The following SYT10 variants were observed in gnomAD, a reference collection of about 807,000 sequenced individuals.
SYT10 encodes the protein synaptotagmin-10.
In SYT10, 31 loss-of-function variants were observed where a neutral mutation model predicts 51.1. The ratio of observed to expected loss-of-function variants is 0.61; its 90% CI spans 0.46 to 0.82. SYT10 has a LOEUF of 0.82. Ranked by LOEUF, SYT10 falls within the 40% of genes least tolerant of loss-of-function variation. The pLI is 0.00. For missense variants in SYT10, 603 were observed against 634.0 expected (o/e 0.95, Z 0.53); for synonymous variants, 233 against 225.9 (o/e 1.03, Z -0.28).
At chr12:33,380,080 T>C in intron 5 of SYT10, 119 bp from the exon 6 acceptor site, 1 of 1,088,120 alleles carries the variant, frequency 9.2e-7, no homozygotes, top group East Asian at 2.6e-5. Flanking sequence ...ATTTTGCAGA[T>C]TATGCTACTT....
Position 33,407,147 on chromosome 12 carries a change from T to C in SYT10, c.719A>G (p.Gln240Arg), listed in dbSNP as rs762872723. The C allele has an allele frequency of 3.1e-6, 5 of 1,614,042 alleles. No homozygotes were observed. In the African/African-American group the frequency reaches 6.7e-5, roughly 22 times the overall value. Reference sequence around the variant, plus strand: ...TAGAAGTTCATTTTCATAATCATACTGGAGGGTAAAGTTAAGTTTCCCACA... The same window carrying C: ...TAGAAGTTCATTTTCATAATCATACCGGAGGGTAAAGTTAAGTTTCCCACA... ...KICGKLNFTLQYDYENELLVV... is the reference protein window; with the variant it reads ...KICGKLNFTLRYDYENELLVV... Residue 240 changes from glutamine (Q) to arginine (R), a missense_variant, in exon 3 of 7, where the codon CAG becomes CGG. Transcript: ENST00000228567.
At chr12:33,431,792 C>T (rs1866598926) in intron 1 of SYT10, among the ~76,000 whole-genome samples, 1 of 152,070 alleles carries the variant, frequency 6.6e-6, no homozygotes, top group Non-Finnish European at 1.5e-5. Flanking sequence ...CATCCTTCAA[C>T]CTTATAAGTC....
At position 33,426,530 on chromosome 12, in the gene SYT10, T is replaced by C. The variant is rs560156318; in HGVS notation, c.152-35A>G. ...TTACAATGTAAAAATGATTAATTAA[T>C]ATTGTACATAAAAAAGCAGAAATGG... On this transcript the variant is annotated intron_variant, in intron 1 of 6. Coordinates refer to ENST00000228567, the MANE Select transcript of SYT10 (RefSeq NM_198992.4). 2.8e-4 allele frequency: 402 copies of C among 1,438,782 alleles called. 4 individuals carry two copies. In the South Asian group the frequency reaches 5.4e-3, roughly 19 times the overall value. 89.1% of individuals were successfully genotyped at this position (1,438,782 alleles called of 1,614,324 possible).
At position 33,426,215 on chromosome 12, in the gene SYT10, G is replaced by T. The variant is rs762636156; in HGVS notation, c.432C>A (p.Val144=). The change falls in exon 2 of 7, where the codon GTC becomes GTA. Residue 144 remains valine, a synonymous_variant. Coordinates refer to ENST00000228567, the MANE Select transcript of SYT10 (RefSeq NM_198992.4). ...TTAAATGTTCTTTTAAAGCAGTTTG[G>T]ACTTCTGCTGGGATGTCAGGGGAAG... ...SHTSPDIPAE[V]QTALKEHLIK... The T allele has an allele frequency of 5.0e-6, 8 of 1,614,062 alleles. No homozygotes were observed. In the South Asian group the frequency reaches 8.8e-5, roughly 18 times the overall value.
At chr12:33,402,952 T>C (rs568492468) in intron 3 of SYT10, among the ~76,000 whole-genome samples, 4 of 152,036 alleles carry the variant, frequency 2.6e-5, no homozygotes, top group Admixed American at 2.6e-4. Context: ...TACAACAATA[T>C]GATAATAAAG....
rs34190017 is a variant in SYT10 at position 33,379,869 on chromosome 12, T to C, written c.1463A>G (p.His488Arg). ...RDHWNEMLAYHRKPITHWHPL... is the reference protein window; with the variant it reads ...RDHWNEMLAYRRKPITHWHPL... ...GTGCCAGTGCGTTATTGGTTTTCGA[T>C]GATAGGCCAGCATTTCATTCCAGTG... The change falls in exon 6 of 7, where the codon CAT becomes CGT. Residue 488 changes from histidine to arginine, a missense_variant. Physicochemically the swap from His to Arg is conservative, Grantham distance 29 (BLOSUM62 0). Transcript: ENST00000228567. 1 of 1,613,998 alleles carries C rather than the reference T, an allele frequency of 6.2e-7. No individual in the cohort carries two copies. Among genetic ancestry groups the C allele is most frequent in the Admixed American group, 1.7e-5 (1 of 60,006 alleles).
chr12:33,439,489 G>C lies in SYT10; in HGVS notation c.34C>G (p.Leu12Val), dbSNP rs756517811. 2 of 1,614,178 alleles carry C rather than the reference G, an allele frequency of 1.2e-6. No individual in the cohort carries two copies. The highest frequency in any genetic ancestry group is 4.5e-5 in the East Asian group (2 of 44,862). The change falls in exon 1 of 7, where the codon CTG becomes GTG. Residue 12 changes from leucine to valine, a missense_variant. Transcript: ENST00000228567. The stretch of plus-strand genomic sequence containing the variant: ...ACGATGTGCAGAGCCTTCTGGCACA[G>C]ACTGTTCACTCCGTCCTCCTTGTGG... ...SFHKEDGVNS[L>V]CQKALHIVTE...
At chr12:33,418,038 T>C (rs1452593143) in intron 2 of SYT10, among the ~76,000 whole-genome samples, 3 of 152,022 alleles carry the variant, frequency 2.0e-5, no homozygotes, top group African/African-American at 4.8e-5. Flanking sequence ...TTTGAAAGAG[T>C]TGAGGACAGT....
intron 3 of SYT10, among the ~76,000 whole-genome samples, chr12:33,390,930 TTG>T (rs1345691593): frequency 3.3e-5 from 5 of 149,340 alleles, no homozygotes; most frequent in Admixed American, 6.6e-5. Flanking sequence ...ACGTTTTTTT[TTG>T]TTGTTGTTGT....
rs1403169803 is a variant in SYT10, at chr12:33,439,595, C to T, written c.-73G>A. The T allele has an allele frequency of 1.6e-5, 24 of 1,541,886 alleles. No homozygotes were observed. The East Asian group carries it at 5.1e-4, about 33-fold the overall frequency. On this transcript the variant is annotated 5_prime_UTR_variant, in exon 1 of 7. Coordinates refer to ENST00000228567, the MANE Select transcript of SYT10 (RefSeq NM_198992.4). ...TTTCCTCTTCCCGTACCTCTAACCC[C>T]TCTGGCGCCCTAAGCCATAGTCCGC...
At chr12:33,437,116 A>T (rs1320960779) in intron 1 of SYT10, among the ~76,000 whole-genome samples, 2 of 152,248 alleles carry the variant, frequency 1.3e-5, no homozygotes, top group Non-Finnish European at 2.9e-5. Flanking sequence ...CTATTTGCAG[A>T]TTAAAGTATT....
intron 6 of SYT10, among the ~76,000 whole-genome samples, chr12:33,378,469 T>A (rs570690267): frequency 6.6e-6 from 1 of 152,310 alleles, no homozygotes; most frequent in South Asian, 2.1e-4. Flanking sequence ...TGCAGTTCTA[T>A]TTTTGTTAAA....
chr12:33,390,177 C>A (rs1866191549), intron 3 of SYT10, among the ~76,000 whole-genome samples: 1 of 152,132 alleles, frequency 6.6e-6, no homozygotes, highest in Non-Finnish European at 1.5e-5. Context: ...TTGAAAAGAC[C>A]ACAAACAATC....
At chr12:33,397,253 G>A (rs897355979) in intron 3 of SYT10, among the ~76,000 whole-genome samples, 1 of 152,150 alleles carries the variant, frequency 6.6e-6, no homozygotes, top group Admixed American at 6.5e-5. Context: ...AGAGGGCTTC[G>A]TGAAGGGCTA....
rs768608852 is a variant in SYT10 at position 33,407,259 on chromosome 12, T to C, written c.607A>G (p.Thr203Ala). 2.5e-6 allele frequency: 4 copies of C among 1,614,036 alleles called. No homozygotes were observed. In the East Asian group the frequency reaches 6.7e-5, roughly 27 times the overall value. ...GGCTTTATCCTCCCAATGCTGGTTGTTGTTTCTCCTCGTTGTAAAACAGGT... is the reference window on the plus strand; with the variant it reads ...GGCTTTATCCTCCCAATGCTGGTTGCTGTTTCTCCTCGTTGTAAAACAGGT... ...TEPVLQRGET[T>A]TSIGRIKPEL... Residue 203 changes from threonine (T) to alanine (A), a missense_variant, in exon 3 of 7, where the codon ACA (threonine) becomes GCA (alanine). Physicochemically the swap from Thr to Ala is moderately conservative, Grantham distance 58. Transcript: ENST00000228567.
Position 33,375,847 on chromosome 12 carries a change from C to T in SYT10, c.*983G>A, listed in dbSNP as rs1366501920. 6.6e-6 allele frequency: 1 copy of T among 152,508 alleles called. No homozygotes were observed. The highest frequency in any genetic ancestry group is 1.5e-5 in the Non-Finnish European group (1 of 68,006). 9.4% of individuals were successfully genotyped at this position (152,508 alleles called of 1,614,324 possible). The stretch of plus-strand genomic sequence containing the variant: ...TCACCATTACTGTGTACAATCTAAA[C>T]GGTGATGAACACAGACAGTGTTGTT... On this transcript the variant is annotated 3_prime_UTR_variant, in exon 7 of 7. Transcript: ENST00000228567.
intron 3 of SYT10, 71 bp downstream of exon 3, chr12:33,406,718 T>C (rs549633506): frequency 4.9e-5 from 62 of 1,274,516 alleles, no homozygotes; most frequent in Non-Finnish European, 3.3e-5. Flanking sequence ...TTCCGATAAT[T>C]TGGGTAATAA....
intron 6 of SYT10, among the ~76,000 whole-genome samples, chr12:33,378,814 CTGTG>C (rs56373564): frequency 0.11 from 16,188 of 145,158 alleles, 961 homozygotes; most frequent in Admixed American, 0.17. Context: ...GACTGGGTAT[CTGTG>C]TGTGTGTGTG....
intron 4 of SYT10, among the ~76,000 whole-genome samples, chr12:33,384,774 T>C (rs1240054757): frequency 6.6e-6 from 1 of 152,224 alleles, no homozygotes; most frequent in Non-Finnish European, 1.5e-5. Context: ...GCTATTTCCC[T>C]GCAGATCAGG....
Sources: allele counts gnomAD v4.1 joint callset (sites outside exome capture counted in the v4.1 genomes callset), GRCh38; gene constraint gnomAD v4.1.1; transcripts MANE v1.5; gene names NCBI Gene and HGNC (gene_info 2026-07-23, HGNC 2026-07-21).